TENM2: variants seen among roughly 807,000 people sequenced by gnomAD.
TENM2 encodes teneurin-2.
TENM2 carries 52 observed loss-of-function variants against 245.2 expected under a neutral mutation model. The observed-to-expected ratio is 0.21, with a 90% CI of 0.17 to 0.27. The LOEUF is 0.27. TENM2 is among the 10% of genes least tolerant of loss of function. The probability of loss-of-function intolerance (pLI) is 1.00; values close to 1 mark genes in which losing one functional copy is unlikely to be tolerated. For synonymous variants in TENM2, 1,363 were observed against 1,438.9 expected (o/e 0.95, Z 1.19); for missense variants, 3,046 against 3,666.8 (o/e 0.83, Z 4.37).
intron 2 of TENM2, among the ~76,000 whole-genome samples, chr5:167,684,249 C>A (rs1756930063): frequency 6.6e-6 from 1 of 152,214 alleles, no homozygotes; most frequent in South Asian, 2.1e-4. Context: ...GGTGGTCTTT[C>A]CAAATGATGC....
At chr5:167,025,920 C>A in the TENM2 span, among the ~76,000 whole-genome samples, 94 of 152,168 alleles carry the variant, frequency 6.2e-4, 1 homozygote, top group South Asian at 0.019. Context: ...GTTGAACCCC[C>A]ATATTTAAAA....
chr5:168,238,532 T>C (rs1765811595), intron 25 of TENM2, among the ~76,000 whole-genome samples: 1 of 152,216 alleles, frequency 6.6e-6, no homozygotes, highest in Admixed American at 6.5e-5. Flanking sequence ...TCTCCTGCTG[T>C]GTTACAATTC....
At chr5:167,250,458 T>C in the TENM2 span, among the ~76,000 whole-genome samples, 120 of 152,304 alleles carry the variant, frequency 7.9e-4, 1 homozygote, top group African/African-American at 2.7e-3. Context: ...GTATTGAAAT[T>C]GATTTCACCT....
chr5:167,184,477 T>G, the TENM2 span, among the ~76,000 whole-genome samples: 2 of 151,958 alleles, frequency 1.3e-5, no homozygotes, highest in Non-Finnish European at 1.5e-5. Context: ...TGTTGGGGGG[T>G]GGAGGGAAGT....
At chr5:167,815,773 A>G (rs77430387) in intron 2 of TENM2, among the ~76,000 whole-genome samples, 3,076 of 147,712 alleles carry the variant, frequency 0.021, 112 homozygotes, top group African/African-American at 0.07. Context: ...TTCATGTGGG[A>G]GAATGAGAGG....
At chr5:167,372,670 G>T (rs907684852) in intron 1 of TENM2, among the ~76,000 whole-genome samples, 1 of 152,164 alleles carries the variant, frequency 6.6e-6, no homozygotes, top group East Asian at 1.9e-4. Flanking sequence ...TTTTAGTTTG[G>T]GTTTTCATTT....
At chr5:167,409,817 G>C (rs1211391127) in intron 2 of TENM2, among the ~76,000 whole-genome samples, 2 of 151,794 alleles carry the variant, frequency 1.3e-5, no homozygotes, top group Non-Finnish European at 2.9e-5. Context: ...AATACCAGTT[G>C]TATCAGTGAT....
intron 2 of TENM2, among the ~76,000 whole-genome samples, chr5:167,764,867 G>C (rs1332220134): frequency 6.6e-6 from 1 of 152,136 alleles, no homozygotes; most frequent in Non-Finnish European, 1.5e-5. Flanking sequence ...CTATGCTGAT[G>C]AACTGCTCAG....
chr5:167,903,490 G>A (rs1217743198), intron 3 of TENM2, among the ~76,000 whole-genome samples: 2 of 115,976 alleles, frequency 1.7e-5, no homozygotes, highest in Non-Finnish European at 3.3e-5. Flanking sequence ...ACTGAAAAGT[G>A]AAATTTCGGT....
intron 7 of TENM2, among the ~76,000 whole-genome samples, chr5:168,069,060 T>A (rs1790755591): frequency 1.6e-5 from 2 of 128,074 alleles, no homozygotes; most frequent in South Asian, 5.0e-4. Flanking sequence ...TTTGAAACTC[T>A]CCTTATTTGA....
At chr5:167,564,606 G>T (rs1021957699) in intron 2 of TENM2, among the ~76,000 whole-genome samples, 1 of 152,132 alleles carries the variant, frequency 6.6e-6, no homozygotes, top group Non-Finnish European at 1.5e-5. Flanking sequence ...TGAAACAAGA[G>T]GAAATGATTG....
intron 2 of TENM2, among the ~76,000 whole-genome samples, chr5:167,711,526 T>G (rs1255534168): frequency 6.9e-6 from 1 of 145,708 alleles, no homozygotes; most frequent in African/African-American, 2.8e-5. Context: ...TACAGTGACT[T>G]CAGTCTCTTT....
At chr5:168,016,372 C>T (rs1333268182) in intron 5 of TENM2, among the ~76,000 whole-genome samples, 4 of 152,198 alleles carry the variant, frequency 2.6e-5, no homozygotes, top group Admixed American at 1.3e-4. Context: ...ATCTGACAAA[C>T]GGTATATATT....
At chr5:167,574,107 G>A (rs1242083735) in intron 2 of TENM2, 1 of 152,106 alleles carries the variant, frequency 6.6e-6, no homozygotes, top group Non-Finnish European at 1.5e-5. Flanking sequence ...AAAGGCATCC[G>A]CAGCAGAAGC....
At chr5:167,237,940 G>T in the TENM2 span, among the ~76,000 whole-genome samples, 1 of 150,706 alleles carries the variant, frequency 6.6e-6, no homozygotes, top group Non-Finnish European at 1.5e-5. Context: ...AACCCAGGAG[G>T]TGGAGGTTGC....
At chr5:167,624,961 A>T (rs930209734) in intron 2 of TENM2, among the ~76,000 whole-genome samples, 3 of 152,092 alleles carry the variant, frequency 2.0e-5, no homozygotes, top group African/African-American at 7.2e-5. Flanking sequence ...TCACCCTCTT[A>T]ACTAAGTCCA....
the TENM2 span, among the ~76,000 whole-genome samples, chr5:167,119,059 A>G: frequency 2.0e-5 from 3 of 151,486 alleles, no homozygotes; most frequent in Admixed American, 2.0e-4. Flanking sequence ...TCCCCACTTC[A>G]CTCCCTGTGA....
the TENM2 span, among the ~76,000 whole-genome samples, chr5:167,187,015 G>A: frequency 2.0e-4 from 31 of 152,252 alleles, no homozygotes; most frequent in African/African-American, 6.3e-4. Context: ...CTCTCCACCC[G>A]CCATGTCTTC....
intron 7 of TENM2, among the ~76,000 whole-genome samples, chr5:168,082,501 G>A (rs1792093905): frequency 6.6e-6 from 1 of 152,228 alleles, no homozygotes; most frequent in African/African-American, 2.4e-5. Flanking sequence ...TTCCTTTGGA[G>A]AAGAAGTGGC....
Sources: allele counts gnomAD v4.1 joint callset (sites outside exome capture counted in the v4.1 genomes callset), GRCh38; gene constraint gnomAD v4.1.1; transcripts MANE v1.5; gene names NCBI Gene and HGNC (gene_info 2026-07-23, HGNC 2026-07-21).